Variants in SLC24A3 observed in about 807,000 individuals in gnomAD.
The protein encoded by SLC24A3 is sodium/potassium/calcium exchanger 3.
Under a neutral mutation model 75.8 loss-of-function variants are expected in SLC24A3, and 28 were observed. The observed-to-expected ratio is 0.37, with a 90% CI of 0.27 to 0.51. The LOEUF is 0.51. SLC24A3 is among the 20% of genes least tolerant of loss of function. The pLI is 0.94. For synonymous variants in SLC24A3, 372 were observed against 334.1 expected, an observed-to-expected ratio of 1.11 and a Z score of -1.24; for missense variants, 663 against 847.8, an observed-to-expected ratio of 0.78 and a Z score of 2.71.
intron 6 of SLC24A3, among the ~76,000 whole-genome samples, chr20:19,599,923 A>G (rs1359658085): frequency 6.6e-6 from 1 of 152,142 alleles, no homozygotes; most frequent in African/African-American, 2.4e-5. Context: ...AGATTCTTCT[A>G]TGACCCGCGG....
intron 1 of SLC24A3, among the ~76,000 whole-genome samples, chr20:19,254,264 A>C (rs1982745510): frequency 6.6e-6 from 1 of 152,204 alleles, no homozygotes; most frequent in Non-Finnish European, 1.5e-5. Context: ...AGGTCACCTC[A>C]CATGGTCCAG....
rs781237851 is a variant in SLC24A3 at position 19,474,882 on chromosome 20, TC to T, written c.272-40601del. Among the ~76,000 whole-genome samples the T allele has an allele frequency of 1.6e-4, 25 of 152,218 alleles. No individual in the cohort carries two copies. The East Asian group carries it at 3.3e-3, about 20-fold the overall frequency. On this transcript the variant is annotated intron_variant, in intron 2 of 16. Transcript: ENST00000328041. Reference sequence around the variant, plus strand: ...CAACATTGCCCTATCCATTTCTCACTCCCCCAGCCCCTGGTAACCACCGTTC... The same window carrying T: ...CAACATTGCCCTATCCATTTCTCACTCCCCAGCCCCTGGTAACCACCGTTC...
intron 2 of SLC24A3, among the ~76,000 whole-genome samples, chr20:19,343,863 AT>A (rs1444721092): frequency 6.6e-6 from 1 of 152,178 alleles, no homozygotes; most frequent in Non-Finnish European, 1.5e-5. Context: ...CTAGGACATG[AT>A]TTTTACAGGT....
At chr20:19,415,845 CTT>C (rs59412317) in intron 2 of SLC24A3, among the ~76,000 whole-genome samples, 84,461 of 151,868 alleles carry the variant, frequency 0.56, 24,304 homozygotes, top group East Asian at 0.91. Context: ...TTCTTAATGT[CTT>C]AAATTAAATG....
chr20:19,237,719 A>G (rs1982206155), intron 1 of SLC24A3, among the ~76,000 whole-genome samples: 1 of 151,890 alleles, frequency 6.6e-6, no homozygotes, highest in South Asian at 2.1e-4. Flanking sequence ...ATTGAGATTC[A>G]CTCTTGGTGA....
chr20:19,453,044 G>A (rs772987917), intron 2 of SLC24A3, among the ~76,000 whole-genome samples: 1 of 152,106 alleles, frequency 6.6e-6, no homozygotes, highest in Non-Finnish European at 1.5e-5. Context: ...TTGCCTGCGT[G>A]GTGGCGGGCG....
At chr20:19,608,857 C>G (rs1240257727) in intron 6 of SLC24A3, among the ~76,000 whole-genome samples, 1 of 152,174 alleles carries the variant, frequency 6.6e-6, no homozygotes, top group African/African-American at 2.4e-5. Flanking sequence ...ACAATAGCAT[C>G]TCTCCCCATT....
intron 6 of SLC24A3, among the ~76,000 whole-genome samples, chr20:19,635,877 A>G (rs2031994538): frequency 6.6e-6 from 1 of 152,164 alleles, no homozygotes; most frequent in South Asian, 2.1e-4. Flanking sequence ...GCGGTGGCTT[A>G]CACCTGTAAT....
chr20:19,632,302 G>C (rs1358963114), intron 6 of SLC24A3, among the ~76,000 whole-genome samples: 1 of 152,166 alleles, frequency 6.6e-6, no homozygotes, highest in Admixed American at 6.5e-5. Context: ...CTCTCTTACA[G>C]TTCTGGATGT....
chr20:19,547,189 T>G (rs2030614339), intron 3 of SLC24A3, among the ~76,000 whole-genome samples: 1 of 152,212 alleles, frequency 6.6e-6, no homozygotes, highest in Non-Finnish European at 1.5e-5. Flanking sequence ...CCATGTCAAT[T>G]TCATTCATCA....
At chr20:19,431,331 A>G (rs1987099272) in intron 2 of SLC24A3, among the ~76,000 whole-genome samples, 1 of 152,072 alleles carries the variant, frequency 6.6e-6, no homozygotes, top group Non-Finnish European at 1.5e-5. Context: ...GGACCCCTGC[A>G]CCTTCTGACC....
intron 2 of SLC24A3, among the ~76,000 whole-genome samples, chr20:19,346,304 ATATATATATATGGTATATATATATGGTG>A (rs1985421592): frequency 1.6e-4 from 9 of 56,620 alleles, no homozygotes; most frequent in African/African-American, 3.4e-4. Flanking sequence ...TATATGGTGT[ATATATATATATGGTATATATATATGGTG>A]TATATATATA....
intron 2 of SLC24A3, among the ~76,000 whole-genome samples, chr20:19,417,180 C>A (rs1986841016): frequency 6.6e-6 from 1 of 152,086 alleles, no homozygotes; most frequent in Admixed American, 6.5e-5. Flanking sequence ...CGTGAACAAC[C>A]TTTAGCATTA....
intron 2 of SLC24A3, among the ~76,000 whole-genome samples, chr20:19,391,183 C>G (rs947430761): frequency 6.6e-6 from 1 of 152,170 alleles, no homozygotes; most frequent in East Asian, 1.9e-4. Flanking sequence ...ATCCCTAACC[C>G]CACTAACACC....
intron 2 of SLC24A3, among the ~76,000 whole-genome samples, chr20:19,506,074 T>G (rs1988458607): frequency 6.6e-6 from 1 of 152,184 alleles, no homozygotes; most frequent in Non-Finnish European, 1.5e-5. Context: ...ATTCTCCCAT[T>G]TTGCACATTA....
chr20:19,553,451 G>A (rs933420784), intron 3 of SLC24A3, among the ~76,000 whole-genome samples: 2 of 152,196 alleles, frequency 1.3e-5, no homozygotes, highest in Admixed American at 6.5e-5. Context: ...GAAATCTCAT[G>A]TATGGAAGGG....
chr20:19,296,500 C>A (rs1984064065), intron 2 of SLC24A3, among the ~76,000 whole-genome samples: 1 of 151,988 alleles, frequency 6.6e-6, no homozygotes, highest in Non-Finnish European at 1.5e-5. Context: ...TTATATATTT[C>A]CCTCTTAACA....
chr20:19,347,633 T>C (rs781204153), intron 2 of SLC24A3, among the ~76,000 whole-genome samples: 2 of 152,178 alleles, frequency 1.3e-5, no homozygotes, highest in Non-Finnish European at 2.9e-5. Flanking sequence ...ACAAAATAAA[T>C]TGGAACAGAA....
chr20:19,563,561 A>G (rs999601343), intron 3 of SLC24A3, among the ~76,000 whole-genome samples: 4 of 152,190 alleles, frequency 2.6e-5, no homozygotes, highest in Admixed American at 2.6e-4. Flanking sequence ...TGTTGAATAA[A>G]TATTTAAAGA....
Sources: gnomAD v4.1 joint callset for allele counts (sites outside exome capture counted in the v4.1 genomes callset) on GRCh38, gnomAD v4.1.1 for gene constraint, MANE v1.5 for transcripts, NCBI Gene and HGNC (gene_info 2026-07-23, HGNC 2026-07-21) for gene names.